The following RNF213 variants were observed in gnomAD, a reference collection of about 807,000 sequenced individuals.
RNF213 encodes the protein E3 ubiquitin-protein ligase RNF213.
A neutral mutation model predicts 514.4 loss-of-function variants in RNF213; 341 were observed. The ratio of observed to expected loss-of-function variants is 0.66; its 90% confidence interval spans 0.61 to 0.73. The LOEUF (loss-of-function observed/expected upper bound fraction) is 0.73. Ranked by LOEUF, RNF213 falls within the 30% of genes least tolerant of loss-of-function variation. RNF213 has a pLI of 0.00. For synonymous variants in RNF213, 2,655 were observed against 2,658.2 expected, an observed-to-expected ratio of 1.00 and a Z score of 0.04; for missense variants, 5,767 against 6,615.6, an observed-to-expected ratio of 0.87 and a Z score of 4.45.
intron 29 of RNF213, among the ~76,000 whole-genome samples, chr17:80,348,619 T>C (rs1447428887): frequency 2.6e-5 from 4 of 152,216 alleles, no homozygotes; most frequent in Non-Finnish European, 4.4e-5. Context: ...TTAGGGAGCA[T>C]GGAGAGACCA....
chr17:80,322,811 A>ATT (rs2046182514), intron 17 of RNF213, among the ~76,000 whole-genome samples: 1 of 152,044 alleles, frequency 6.6e-6, no homozygotes, highest in Admixed American at 6.5e-5. Flanking sequence ...GATTGCAAGT[A>ATT]TTTTCTCCCA....
chr17:80,347,913 C>G lies in RNF213; in HGVS notation c.9578C>G (p.Ala3193Gly). ...WQKSIVEELC[A>G]WVEKFINVKA... The stretch of plus-strand genomic sequence containing the variant: ...AAGAGCATCGTGGAGGAGCTCTGTG[C>G]GTGGGTGGAGAAGTTCATCAATGTC... The change falls in exon 29 of 68, where the codon GCG becomes GGG. Residue 3193 changes from alanine (A) to glycine (G), a missense_variant. Coordinates refer to ENST00000582970, the MANE Select transcript of RNF213 (RefSeq NM_001256071.3). The surrounding 1 kb of genome is among the most constrained non-coding windows in gnomAD (Gnocchi z 7.2). 1 of 1,614,136 alleles carries G rather than the reference C, an allele frequency of 6.2e-7. No homozygotes were observed. Among genetic ancestry groups the G allele is most frequent in the South Asian group, 1.1e-5 (1 of 91,078 alleles).
chr17:80,339,796 C>T lies in RNF213; in HGVS notation c.5429C>T (p.Ala1810Val), dbSNP rs1377530274. Residue 1810 changes from alanine to valine, a missense_variant, in exon 26 of 68, where the codon GCA (alanine) becomes GTA (valine). This residue lies in a region of RNF213 where 1,377 missense variants were observed against 1,635.2 expected (regional missense o/e 0.84). Coordinates refer to ENST00000582970, the MANE Select transcript of RNF213 (RefSeq NM_001256071.3). ...CTTGGCCACTGTCTGGCTCACCTGG[C>T]AGGGATGGGTGGGTCTCCCGTGGAG... ...ETLGHCLAHL[A>V]GMGGSPVERC... The T allele has an allele frequency of 1.6e-5, 25 of 1,534,366 alleles. No homozygotes were observed. The highest frequency in any genetic ancestry group is 2.2e-5 in the Non-Finnish European group (25 of 1,144,808).
intron 30 of RNF213, 74 bp from the exon 31 acceptor site, chr17:80,350,227 A>G: frequency 1.0e-6 from 1 of 961,628 alleles, no homozygotes; most frequent in South Asian, 1.3e-5. Context: ...TATGTTTCCC[A>G]TCACTTTGGG....
chr17:80,339,610 G>A lies in RNF213; in HGVS notation c.5243G>A (p.Cys1748Tyr), dbSNP rs1443059692. 5.9e-6 allele frequency: 9 copies of A among 1,537,094 alleles called. No homozygotes were observed. The Admixed American group carries it at 1.6e-4, about 27-fold the overall frequency. ...LRDVLRASVG[C>Y]GSEAARYRMR... ...GATGTCTTAAGGGCCTCTGTGGGGT[G>A]TGGGAGTGAGGCCGCCAGGTACCGC... is the stretch of plus-strand genomic sequence containing the variant. Residue 1748 changes from cysteine to tyrosine, a missense_variant, in exon 26 of 68, where the codon TGT (cysteine) becomes TAT (tyrosine). Physicochemically the swap from Cys to Tyr is radical, Grantham distance 194 (BLOSUM62 -2). Transcript: ENST00000582970.
chr17:80,349,988 C>T lies in RNF213; in HGVS notation c.10088+82C>T, dbSNP rs899395909. 1.5e-5 allele frequency: 23 copies of T among 1,489,988 alleles called. No homozygotes were observed. In the Admixed American group the frequency reaches 1.7e-4, roughly 11 times the overall value. The allele number at this position is 1,489,988 out of a possible 1,614,324, so 92.3% of individuals were successfully genotyped here. On this transcript the variant is annotated intron_variant, in intron 30 of 67. Coordinates refer to ENST00000582970, the MANE Select transcript of RNF213 (RefSeq NM_001256071.3). ...TTCTGCGTGGCGATGGTACCCGCGC[C>T]GGTTAATGAGCGCCACAGTCACGTG...
intron 3 of RNF213, among the ~76,000 whole-genome samples, chr17:80,283,223 G>A (rs1355553245): frequency 6.6e-6 from 1 of 152,092 alleles, no homozygotes; most frequent in African/African-American, 2.4e-5. Flanking sequence ...CAGGGCACTC[G>A]GCCAGTCCTC....
chr17:80,350,592 AC>A (rs1276069277), intron 31 of RNF213, among the ~76,000 whole-genome samples, 196 bp downstream of exon 31: 1 of 152,234 alleles, frequency 6.6e-6, no homozygotes, highest in Non-Finnish European at 1.5e-5. Flanking sequence ...CAATAACATT[AC>A]AAAAATAGTG....
In RNF213 at chr17:80,273,383, A is replaced by C; in HGVS notation, c.240A>C (p.Lys80Asn). The C allele has an allele frequency of 6.2e-7, 1 of 1,612,936 alleles. No homozygotes were observed. Among genetic ancestry groups the C allele is most frequent in the African/African-American group, 1.3e-5 (1 of 74,994 alleles). ...WQENPEEPCS[K>N]ASWTVQESKK... ...AAAACCCCGAGGAGCCCTGTTCCAA[A>C]GCCTCCTGGACCGTCCAAGAAGTGA... The change falls in exon 3 of 68, where the codon AAA becomes AAC. Residue 80 changes from lysine (K) to asparagine (N), a missense_variant. Transcript: ENST00000582970.
rs1316242910 is a variant in RNF213 at position 80,345,141 on chromosome 17, C to T, written c.6806C>T (p.Thr2269Ile). The change falls in exon 29 of 68, where the codon ACC (threonine) becomes ATC (isoleucine). Residue 2269 changes from threonine to isoleucine, a missense_variant. Around this residue, in one of 13 missense-constraint regions of RNF213, gnomAD observed 1,377 missense variants for 1,635.2 expected, o/e 0.84. Transcript: ENST00000582970. This position sits in a 1 kb window ranked among gnomAD's most constrained non-coding sequence, Gnocchi z 6.0. ...GATTTTGCCACACCATCACTCCACA[C>T]CTCTGACCAAAGCCCGGGGAAGCAC... is the stretch of plus-strand genomic sequence containing the variant. ...ARDFATPSLH[T>I]SDQSPGKHMV... is the part of the protein sequence containing the mutation. 3 of 1,614,026 alleles carry T rather than the reference C, an allele frequency of 1.9e-6. No individual in the cohort carries two copies. Among genetic ancestry groups the T allele is most frequent in the African/African-American group, 1.3e-5 (1 of 74,888 alleles).
rs1205034940 is a variant in RNF213, at chr17:80,374,598, GGCCC to G, written c.13074+11_13074+14del. The G allele has an allele frequency of 1.2e-6, 2 of 1,614,022 alleles. No individual in the cohort carries two copies. Among genetic ancestry groups the G allele is most frequent in the South Asian group, 2.2e-5 (2 of 91,068 alleles). On this transcript the variant is annotated intron_variant, in intron 50 of 67. Coordinates refer to ENST00000582970, the MANE Select transcript of RNF213 (RefSeq NM_001256071.3). ...TTAAGACTGCTCTGAAGGTAGGATG[GGCCC>G]GTGGCTTCTCTCTGATACCAGGTGG... is the stretch of plus-strand genomic sequence containing the variant.
intron 2 of RNF213, among the ~76,000 whole-genome samples, chr17:80,272,781 C>CT (rs2043868422): frequency 6.6e-6 from 1 of 152,172 alleles, no homozygotes; most frequent in Admixed American, 6.5e-5. Flanking sequence ...GGCAGAGCAG[C>CT]TGGGCGGGCA....
chr17:80,388,507 C>T lies in RNF213; in HGVS notation c.14923-105C>T, dbSNP rs117982582. ...CTTAGCCAAGGGATACACAGGGCAGCGCGGCACTACGCTGCAGTTTTCCGG... is the reference window on the plus strand; with the variant it reads ...CTTAGCCAAGGGATACACAGGGCAGTGCGGCACTACGCTGCAGTTTTCCGG... On this transcript the variant is annotated intron_variant, in intron 63 of 67. Coordinates refer to ENST00000582970, the MANE Select transcript of RNF213 (RefSeq NM_001256071.3). The T allele has an allele frequency of 5.7e-3, 4,576 of 799,040 alleles. 32 individuals carry two copies. Among genetic ancestry groups the T allele is most frequent in the Non-Finnish European group, 7.8e-3 (3,506 of 451,586 alleles). The allele number at this position is 799,040 out of a possible 1,614,324, so 49.5% of individuals were successfully genotyped here.
intron 10 of RNF213, among the ~76,000 whole-genome samples, chr17:80,298,083 C>T (rs1027344821): frequency 6.6e-6 from 1 of 152,212 alleles, no homozygotes; most frequent in African/African-American, 2.4e-5. Flanking sequence ...TCTGAGATCC[C>T]TCCCCTGTCC....
chr17:80,289,060 G>C (rs111322810), intron 5 of RNF213, among the ~76,000 whole-genome samples: 11 of 152,316 alleles, frequency 7.2e-5, no homozygotes, highest in African/African-American at 2.6e-4. Context: ...GTCCCCGGAG[G>C]TGTCTGGGAA....
At position 80,339,237 on chromosome 17, in the gene RNF213, A is replaced by G; in HGVS notation, c.4870A>G (p.Ile1624Val). ...CSVQRLSQAF[I>V]DLHSAGNMLF... ...TGTGCAGAGGCTCAGCCAGGCCTTC[A>G]TCGACCTGCACTCTGCTGGGAATAT... is the stretch of plus-strand genomic sequence containing the variant. Residue 1624 changes from isoleucine (I) to valine (V), a missense_variant, in exon 26 of 68, where the codon ATC (isoleucine) becomes GTC (valine). This residue lies in a region of RNF213 where 1,377 missense variants were observed against 1,635.2 expected (regional missense o/e 0.84). Transcript: ENST00000582970. The G allele has an allele frequency of 6.6e-7, 1 of 1,504,956 alleles. No individual in the cohort carries two copies. Among genetic ancestry groups the G allele is most frequent in the Non-Finnish European group, 8.9e-7 (1 of 1,128,392 alleles). The allele number at this position is 1,504,956 out of a possible 1,614,324, so 93.2% of individuals were successfully genotyped here.
At chr17:80,268,308 C>G (rs1206902636) in intron 2 of RNF213, among the ~76,000 whole-genome samples, 1 of 133,274 alleles carries the variant, frequency 7.5e-6, no homozygotes, top group Non-Finnish European at 1.6e-5. Flanking sequence ...GAGCCGTGAT[C>G]ATACCACTGC....
rs2078206041 is a variant in RNF213 at position 80,343,041 on chromosome 17, C to G, written c.5990-91C>G. The G allele has an allele frequency of 9.5e-7, 1 of 1,054,236 alleles. No individual in the cohort carries two copies. Among genetic ancestry groups the G allele is most frequent in the African/African-American group, 1.6e-5 (1 of 63,624 alleles). The allele number at this position is 1,054,236 out of a possible 1,614,324, so 65.3% of individuals were successfully genotyped here. On this transcript the variant is annotated intron_variant, in intron 26 of 67. Coordinates refer to ENST00000582970, the MANE Select transcript of RNF213 (RefSeq NM_001256071.3). The surrounding 1 kb of genome is among the most constrained non-coding windows in gnomAD (Gnocchi z 4.3). ...CAGGCTGGCTTTGAACTCCTGACCT[C>G]AAGTGATCCCCCCGCCTCGGCCTCC... is the stretch of plus-strand genomic sequence containing the variant.
At chr17:80,298,980 A>G (rs1264182282) in intron 11 of RNF213, among the ~76,000 whole-genome samples, 1 of 152,104 alleles carries the variant, frequency 6.6e-6, no homozygotes, top group Non-Finnish European at 1.5e-5. Context: ...CTCTGTCTAA[A>G]ACAAACAAAC....
Sources: gnomAD v4.1 joint callset for allele counts (sites outside exome capture counted in the v4.1 genomes callset) on GRCh38, gnomAD v4.1.1 for gene constraint, gnomAD v4.1.1 regional missense constraint, Gnocchi (gnomAD v3.1) non-coding constraint, MANE v1.5 for transcripts, NCBI Gene and HGNC (gene_info 2026-07-23, HGNC 2026-07-21) for gene names.